Variants in COL15A1 observed in about 807,000 individuals in gnomAD.
COL15A1 encodes collagen type XV alpha 1 chain.
Under a neutral mutation model 165.9 loss-of-function variants are expected in COL15A1, and 111 were observed. The ratio of observed to expected loss-of-function variants is 0.67; its 90% CI spans 0.57 to 0.78. The LOEUF (loss-of-function observed/expected upper bound fraction) is 0.78. COL15A1 is among the 30% of genes least tolerant of loss of function. COL15A1 has a pLI of 0.00. For synonymous variants in COL15A1, 659 were observed against 674.8 expected (o/e 0.98, Z 0.36); for missense variants, 1,745 against 1,789.7 (o/e 0.98, Z 0.45).
rs1838085257 is a variant in COL15A1, at chr9:98,972,963, C to T, written c.101-12602C>T. On this transcript the variant is annotated intron_variant, in intron 2 of 41. Coordinates refer to ENST00000375001, the MANE Select transcript of COL15A1 (RefSeq NM_001855.5). ...ACCGAGGATTCTGAGTGAGTGACTT[C>T]CTGTCTCTGGGGCTTGACTCCCTAC... Among the ~76,000 whole-genome samples, 3 of 152,216 alleles carry T rather than the reference C, an allele frequency of 2.0e-5. No homozygotes were observed. In the South Asian group the frequency reaches 6.2e-4, roughly 32 times the overall value.
At chr9:98,972,180 G>A (rs1024153735) in intron 2 of COL15A1, among the ~76,000 whole-genome samples, 1 of 152,162 alleles carries the variant, frequency 6.6e-6, no homozygotes, top group Non-Finnish European at 1.5e-5. Context: ...GGGGCGAGGT[G>A]ATCTGTGGAA....
chr9:98,994,978 G>A (rs1032791367), intron 5 of COL15A1, among the ~76,000 whole-genome samples: 2 of 152,008 alleles, frequency 1.3e-5, no homozygotes, highest in African/African-American at 4.8e-5. Flanking sequence ...CCCCCATCTC[G>A]TTGTCTTCCT....
chr9:99,055,722 G>A (rs373502983), intron 34 of COL15A1, among the ~76,000 whole-genome samples: 16 of 152,348 alleles, frequency 1.1e-4, no homozygotes, highest in African/African-American at 3.1e-4. Context: ...TTTTAGAGGA[G>A]CTGTTTGATT....
Position 99,069,853 on chromosome 9 carries a change from C to T in COL15A1, c.4134C>T (p.Ile1378=), listed in dbSNP as rs752114228. ...CTAATCGGCTAATTGTCCTATGTATCGAAAACAGTTTCATGACAGACGCTA... is the reference window on the plus strand; with the variant it reads ...CTAATCGGCTAATTGTCCTATGTATTGAAAACAGTTTCATGACAGACGCTA... ...SCANRLIVLC[I]ENSFMTDARK The change falls in exon 42 of 42, where the codon ATC becomes ATT. Residue 1378 remains isoleucine, a synonymous_variant. Coordinates refer to ENST00000375001, the MANE Select transcript of COL15A1 (RefSeq NM_001855.5). 21 of 1,613,226 alleles carry T rather than the reference C, an allele frequency of 1.3e-5. No homozygotes were observed. The South Asian group carries it at 1.3e-4, about 10-fold the overall frequency.
intron 2 of COL15A1, among the ~76,000 whole-genome samples, chr9:98,971,121 T>A (rs772514089): frequency 6.6e-6 from 1 of 152,168 alleles, no homozygotes; most frequent in Non-Finnish European, 1.5e-5. Flanking sequence ...TGGAAAATAC[T>A]GCTTGAAACC....
At position 99,003,486 on chromosome 9, in the gene COL15A1, G is replaced by A; in HGVS notation, c.1099G>A (p.Val367Met). 5 of 1,545,680 alleles carry A rather than the reference G, an allele frequency of 3.2e-6. No homozygotes were observed. The highest frequency in any genetic ancestry group is 4.4e-6 in the Non-Finnish European group (5 of 1,145,692). Residue 367 changes from valine (V) to methionine (M), a missense_variant, in exon 8 of 42, where the codon GTG becomes ATG. Val to Met is a conservative substitution (Grantham distance 21, BLOSUM62 1). Coordinates refer to ENST00000375001, the MANE Select transcript of COL15A1 (RefSeq NM_001855.5). ...AGCAACAGCAGCGGGGCTGGCCGAG[G>A]TGCCCATCAGCACTGCTGGAGAAGC... ...LAATAAGLAE[V>M]PISTAGEAEA... is the part of the protein sequence containing the mutation.
chr9:98,971,047 G>A (rs1056885682), intron 2 of COL15A1, among the ~76,000 whole-genome samples: 2 of 152,114 alleles, frequency 1.3e-5, no homozygotes, highest in Non-Finnish European at 2.9e-5. Flanking sequence ...GTGTGTTAGG[G>A]GGCCAAGGGG....
chr9:98,947,438 G>T (rs1166786776), intron 2 of COL15A1, among the ~76,000 whole-genome samples: 1 of 152,132 alleles, frequency 6.6e-6, no homozygotes, highest in Non-Finnish European at 1.5e-5. Flanking sequence ...CTGGATTGTG[G>T]TGGTAGTTGT....
At chr9:99,050,047 CT>C in intron 30 of COL15A1, 152 bp downstream of exon 30, 1 of 1,054,914 alleles carries the variant, frequency 9.5e-7, no homozygotes, top group Non-Finnish European at 1.4e-6. Context: ...TGACTAGAAG[CT>C]TTTAGATAAC....
intron 36 of COL15A1, among the ~76,000 whole-genome samples, chr9:99,060,256 A>ATATAT (rs1554691785): frequency 4.2e-4 from 57 of 137,154 alleles, no homozygotes; most frequent in African/African-American, 1.5e-3. Flanking sequence ...ATATATATAT[A>ATATAT]TTTTTTTTTT....
At chr9:99,021,976 C>T in intron 12 of COL15A1, 115 bp from the exon 13 acceptor site, 6 of 1,407,380 alleles carry the variant, frequency 4.3e-6, no homozygotes, top group Non-Finnish European at 6.0e-6. Context: ...AGGACAATGC[C>T]ATTTTTCTTT....
intron 39 of COL15A1, among the ~76,000 whole-genome samples, chr9:99,066,602 T>TTTTTTTTTTTTTTTTTTTTG: frequency 8.7e-6 from 1 of 114,536 alleles, no homozygotes; most frequent in Non-Finnish European, 1.8e-5. Flanking sequence ...TTGTTCTGTT[T>TTTTTTTTTTTTTTTTTTTTG]TTTTTTTTTT....
intron 8 of COL15A1, 147 bp downstream of exon 8, chr9:99,003,734 A>G: frequency 3.5e-6 from 3 of 848,924 alleles, no homozygotes; most frequent in South Asian, 5.4e-5. Flanking sequence ...AGCACTAAAT[A>G]GCATTGACCC....
chr9:99,020,770 T>G (rs763723597), intron 12 of COL15A1, among the ~76,000 whole-genome samples: 6 of 152,240 alleles, frequency 3.9e-5, no homozygotes, highest in Non-Finnish European at 8.8e-5. Context: ...CACTTCTGTG[T>G]CCGGGCTCTG....
chr9:98,986,839 C>T (rs911774292), intron 3 of COL15A1, among the ~76,000 whole-genome samples: 3 of 152,124 alleles, frequency 2.0e-5, no homozygotes, highest in African/African-American at 7.2e-5. Flanking sequence ...TTAGGAGCCT[C>T]ATGGAGAGGA....
intron 16 of COL15A1, among the ~76,000 whole-genome samples, chr9:99,032,391 T>A (rs759758174): frequency 1.6e-4 from 25 of 152,112 alleles, no homozygotes; most frequent in Non-Finnish European, 3.7e-4. Context: ...GGTTTCACCA[T>A]GTTGGCCAGG....
chr9:98,954,407 C>T (rs1837742718), intron 2 of COL15A1, among the ~76,000 whole-genome samples: 1 of 152,150 alleles, frequency 6.6e-6, no homozygotes, highest in Non-Finnish European at 1.5e-5. Flanking sequence ...ATAATATGAA[C>T]AGAACATTCT....
Position 98,989,250 on chromosome 9 carries a change from C to T in COL15A1, c.796C>T (p.Gln266Ter), listed in dbSNP as rs1838374910. Reference sequence around the variant, plus strand: ...GATCTTAGAAGCCGTCACCTACACTCAAGCCTCGGTGAGTACTGGGATGCT... The same window carrying T: ...GATCTTAGAAGCCGTCACCTACACTTAAGCCTCGGTGAGTACTGGGATGCT... ...AEILEAVTYT[Q>*]ASPKEAKVEP... Residue 266 changes from glutamine (Q) to a stop codon, truncating the protein, a stop_gained, in exon 5 of 42, where the codon CAA becomes TAA. Transcript: ENST00000375001. LOFTEE classifies it high-confidence loss of function. 4.3e-6 allele frequency: 7 copies of T among 1,613,458 alleles called. 1 individual carries two copies. Among genetic ancestry groups the T allele is most frequent in the Non-Finnish European group, 3.4e-6 (4 of 1,179,370 alleles).
rs564060160 is a variant in COL15A1 at position 99,028,019 on chromosome 9, C to T, written c.2043+2053C>T. Reference sequence around the variant, plus strand: ...TTTGACTCCCCATCAACAATATCTGCCCTTCAACTTGCATACCTCCAGTGA... The same window carrying T: ...TTTGACTCCCCATCAACAATATCTGTCCTTCAACTTGCATACCTCCAGTGA... On this transcript the variant is annotated intron_variant, in intron 16 of 41. Coordinates refer to ENST00000375001, the MANE Select transcript of COL15A1 (RefSeq NM_001855.5). Among the ~76,000 whole-genome samples, 209 of 152,306 alleles carry T rather than the reference C, an allele frequency of 1.4e-3. 1 individual carries two copies. The highest frequency in any genetic ancestry group is 4.6e-3 in the African/African-American group (192 of 41,544).
Sources: gnomAD v4.1 joint callset for allele counts (sites outside exome capture counted in the v4.1 genomes callset) on GRCh38, gnomAD v4.1.1 for gene constraint, MANE v1.5 for transcripts, NCBI Gene and HGNC (gene_info 2026-07-23, HGNC 2026-07-21) for gene names.